The following WDR7 variants were observed in gnomAD, a reference collection of about 807,000 sequenced individuals.
WDR7 encodes WD repeat domain 7.
In WDR7, 46 loss-of-function variants were observed where a neutral mutation model predicts 169.4. The ratio of observed to expected loss-of-function variants is 0.27; its 90% CI spans 0.21 to 0.35. The LOEUF (loss-of-function observed/expected upper bound fraction) is 0.35, where lower values mean the gene tolerates loss of function less well. Among genes scored for constraint, WDR7 ranks in the 10% least tolerant of loss-of-function variants. The pLI, the probability that WDR7 is intolerant of heterozygous loss-of-function variation, is 1.00. For synonymous variants in WDR7, 612 were observed against 666.8 expected (o/e 0.92, Z 1.27); for missense variants, 1,534 against 1,859.3 (o/e 0.83, Z 3.22).
At chr18:56,916,376 T>TAGAA (rs2046626036) in intron 21 of WDR7, among the ~76,000 whole-genome samples, 1 of 152,082 alleles carries the variant, frequency 6.6e-6, no homozygotes, top group Non-Finnish European at 1.5e-5. Flanking sequence ...TGTTTGGTTT[T>TAGAA]CTGTCCTTGC....
intron 20 of WDR7, among the ~76,000 whole-genome samples, chr18:56,833,014 A>G (rs968680815): frequency 2.6e-5 from 4 of 152,106 alleles, no homozygotes; most frequent in Admixed American, 2.6e-4. Context: ...AGTAGGCTTC[A>G]GAAGGTGGGT....
At chr18:56,958,450 A>G (rs2047288000) in intron 25 of WDR7, among the ~76,000 whole-genome samples, 1 of 152,120 alleles carries the variant, frequency 6.6e-6, no homozygotes, top group Admixed American at 6.6e-5. Flanking sequence ...TCTTTGGCAA[A>G]TTCTTAGAGT....
chr18:56,806,967 A>G (rs2044783845), intron 19 of WDR7, among the ~76,000 whole-genome samples: 2 of 152,116 alleles, frequency 1.3e-5, no homozygotes, highest in African/African-American at 2.4e-5. Flanking sequence ...CTTCATGCCC[A>G]ATACACATCT....
intron 26 of WDR7, among the ~76,000 whole-genome samples, chr18:56,976,384 A>G (rs1463903262): frequency 6.6e-6 from 1 of 152,240 alleles, no homozygotes; most frequent in African/African-American, 2.4e-5. Context: ...AGGTATGGGC[A>G]GGAATTTTTA....
At chr18:56,665,291 C>A (rs1243513177) in intron 1 of WDR7, among the ~76,000 whole-genome samples, 2 of 25,316 alleles carry the variant, frequency 7.9e-5, no homozygotes, top group Non-Finnish European at 1.9e-4. Flanking sequence ...AAAACTCCAT[C>A]TAAAAAAAAA....
chr18:56,795,258 A>ATT (rs749951798), intron 19 of WDR7, among the ~76,000 whole-genome samples: 151 of 152,246 alleles, frequency 9.9e-4, no homozygotes, highest in Non-Finnish European at 1.8e-3. Context: ...TGGTAGCCTA[A>ATT]TTACTGACAT....
intron 19 of WDR7, among the ~76,000 whole-genome samples, chr18:56,802,153 A>G (rs1293396341): frequency 6.6e-6 from 1 of 152,162 alleles, no homozygotes; most frequent in African/African-American, 2.4e-5. Context: ...AGACATGTTA[A>G]TAAGTATGTG....
At chr18:56,821,766 A>G (rs2045101252) in intron 20 of WDR7, among the ~76,000 whole-genome samples, 1 of 151,494 alleles carries the variant, frequency 6.6e-6, no homozygotes, top group Non-Finnish European at 1.5e-5. Context: ...GAGCTAAGGC[A>G]GGAGGATTGC....
chr18:57,002,296 C>T (rs997537867), intron 26 of WDR7, among the ~76,000 whole-genome samples: 1 of 152,038 alleles, frequency 6.6e-6, no homozygotes, highest in Non-Finnish European at 1.5e-5. Flanking sequence ...CTATAATTTT[C>T]TTTATTGATA....
intron 20 of WDR7, among the ~76,000 whole-genome samples, chr18:56,856,797 C>G (rs2045728360): frequency 6.6e-6 from 1 of 152,060 alleles, no homozygotes. Context: ...TGCCATTTTA[C>G]CGTCCTCCTG....
chr18:56,789,017 C>G (rs1487569540), intron 19 of WDR7, among the ~76,000 whole-genome samples: 2 of 152,126 alleles, frequency 1.3e-5, no homozygotes, highest in Non-Finnish European at 2.9e-5. Flanking sequence ...GAGATTTGTT[C>G]CTCTTTTTTC....
chr18:56,746,242 C>T (rs554255980), intron 14 of WDR7, among the ~76,000 whole-genome samples: 37 of 152,290 alleles, frequency 2.4e-4, no homozygotes, highest in African/African-American at 8.7e-4. Context: ...TAATGTCTTC[C>T]ACTGATCTCT....
At chr18:56,902,820 T>C (rs1207604282) in intron 21 of WDR7, among the ~76,000 whole-genome samples, 1 of 152,192 alleles carries the variant, frequency 6.6e-6, no homozygotes, top group East Asian at 1.9e-4. Context: ...TATGACTCAG[T>C]CTTTTACTGC....
At chr18:56,706,860 G>T (rs1191187174) in intron 12 of WDR7, among the ~76,000 whole-genome samples, 12 of 150,842 alleles carry the variant, frequency 8.0e-5, no homozygotes, top group Admixed American at 7.9e-4. Context: ...GCTAATTTTT[G>T]TATTTTTAGT....
chr18:56,820,408 A>G (rs2045074283), intron 20 of WDR7, among the ~76,000 whole-genome samples: 1 of 149,352 alleles, frequency 6.7e-6, no homozygotes, highest in African/African-American at 2.5e-5. Context: ...AGATTCAACT[A>G]CAAAAGCAGC....
chr18:56,912,971 C>T (rs2046573073), intron 21 of WDR7, among the ~76,000 whole-genome samples: 2 of 151,550 alleles, frequency 1.3e-5, no homozygotes, highest in South Asian at 2.1e-4. Flanking sequence ...ACCTCCTGGG[C>T]TCAAGGGATC....
At chr18:57,021,415 G>A (rs2048289588) in intron 27 of WDR7, among the ~76,000 whole-genome samples, 1 of 152,162 alleles carries the variant, frequency 6.6e-6, no homozygotes, top group Admixed American at 6.5e-5. Context: ...TAGGGCATAG[G>A]ATAATAAGGT....
chr18:56,861,446 C>A (rs2045803112), intron 20 of WDR7, among the ~76,000 whole-genome samples: 1 of 152,180 alleles, frequency 6.6e-6, no homozygotes, highest in African/African-American at 2.4e-5. Context: ...GCCTCCTGTT[C>A]TTGTATTAGT....
intron 25 of WDR7, among the ~76,000 whole-genome samples, chr18:56,940,473 A>C (rs1050798482): frequency 3.3e-5 from 5 of 152,212 alleles, no homozygotes; most frequent in African/African-American, 9.6e-5. Context: ...ATACTGTAGC[A>C]TACCTGTTTA....
Sources: allele counts gnomAD v4.1 joint callset (sites outside exome capture counted in the v4.1 genomes callset), GRCh38; gene constraint gnomAD v4.1.1; transcripts MANE v1.5; gene names NCBI Gene and HGNC (gene_info 2026-07-23, HGNC 2026-07-21).